The following CHST9 variants were observed in gnomAD, a reference collection of about 807,000 sequenced individuals.
CHST9 encodes the protein carbohydrate sulfotransferase 9, also known as GalNAc-4-sulfotransferase 2.
In CHST9, 41 loss-of-function variants were observed where a neutral mutation model predicts 44.4. The observed-to-expected ratio is 0.92, with a 90% confidence interval of 0.72 to 1.20. The LOEUF (loss-of-function observed/expected upper bound fraction) is 1.20, where lower values mean the gene tolerates loss of function less well. Ranked by LOEUF, CHST9 falls within the 50% of genes most tolerant of loss-of-function variation. CHST9 has a pLI of 0.00. For synonymous variants in CHST9, 171 were observed against 178.4 expected (o/e 0.96, Z 0.33); for missense variants, 504 against 516.5 (o/e 0.98, Z 0.23).
In CHST9 at chr18:26,913,073, T is replaced by G. The variant is rs191501800; in HGVS notation, c.*3186A>C. The G allele has an allele frequency of 1.6e-4, 24 of 152,290 alleles. No individual in the cohort carries two copies. Among genetic ancestry groups the G allele is most frequent in the Admixed American group, 1.6e-3 (24 of 15,296 alleles). 9.4% of individuals were successfully genotyped at this position (152,290 alleles called of 1,614,324 possible). On this transcript the variant is annotated 3_prime_UTR_variant, in exon 6 of 6. Transcript: ENST00000618847. ...GTCCTAGCCTAATCCCAAGTTCTAT[T>G]AATTCAGCAAGTGATTTTTTCAAAG... is the stretch of plus-strand genomic sequence containing the variant.
At chr18:27,170,890 T>C (rs2058828881) in intron 1 of CHST9, among the ~76,000 whole-genome samples, 1 of 152,208 alleles carries the variant, frequency 6.6e-6, no homozygotes, top group Non-Finnish European at 1.5e-5. Flanking sequence ...CAAATCTTAC[T>C]GGAACAGTGG....
chr18:27,110,832 T>G (rs2058264859), intron 2 of CHST9, among the ~76,000 whole-genome samples: 1 of 152,174 alleles, frequency 6.6e-6, no homozygotes, highest in African/African-American at 2.4e-5. Context: ...GAAAGTGTGG[T>G]TTTGGACCAG....
chr18:27,133,575 G>C (rs778248065), intron 2 of CHST9, among the ~76,000 whole-genome samples: 3 of 152,128 alleles, frequency 2.0e-5, no homozygotes, highest in Admixed American at 6.5e-5. Context: ...GGACACTGGT[G>C]ACCAAAATAC....
chr18:27,050,416 T>G (rs1362340029), intron 2 of CHST9, among the ~76,000 whole-genome samples: 3 of 152,284 alleles, frequency 2.0e-5, no homozygotes, highest in East Asian at 3.9e-4. Flanking sequence ...TTTTTTGTCA[T>G]CTATCAACAT....
chr18:27,106,850 C>A lies in CHST9; in HGVS notation c.121+35839G>T, dbSNP rs532569540. Among the ~76,000 whole-genome samples, 21 of 152,244 alleles carry A rather than the reference C, an allele frequency of 1.4e-4. No individual in the cohort carries two copies. In the South Asian group the frequency reaches 4.1e-3, roughly 30 times the overall value. On this transcript the variant is annotated intron_variant, in intron 2 of 5. Transcript: ENST00000618847. ...TTACTACCCTATTTCCATAAAATAA[C>A]CTTTTTATTTACCTAGATCTTTTTC...
intron 3 of CHST9, among the ~76,000 whole-genome samples, chr18:27,027,685 C>T (rs2057297634): frequency 6.6e-6 from 1 of 152,172 alleles, no homozygotes; most frequent in South Asian, 2.1e-4. Flanking sequence ...CATGGAAATA[C>T]TACCAGGATT....
chr18:26,961,788 A>G (rs997470799), intron 4 of CHST9, among the ~76,000 whole-genome samples: 40 of 152,202 alleles, frequency 2.6e-4, no homozygotes, highest in Non-Finnish European at 4.7e-4. Flanking sequence ...TAAAGAGAAC[A>G]ATGTTTCTGT....
intron 3 of CHST9, among the ~76,000 whole-genome samples, chr18:27,034,498 GTTTA>G (rs2057371436): frequency 6.6e-6 from 1 of 152,130 alleles, no homozygotes; most frequent in Non-Finnish European, 1.5e-5. Context: ...ATTGTCCAGT[GTTTA>G]TTTTTTTCTC....
At chr18:27,032,324 C>A (rs1319395095) in intron 3 of CHST9, among the ~76,000 whole-genome samples, 1 of 152,170 alleles carries the variant, frequency 6.6e-6, no homozygotes, top group Admixed American at 6.5e-5. Flanking sequence ...GGGCTCAAAA[C>A]ACACAGAGAC....
chr18:27,052,268 G>GTATA (rs905874224), intron 2 of CHST9, among the ~76,000 whole-genome samples: 3 of 122,798 alleles, frequency 2.4e-5, no homozygotes, highest in African/African-American at 8.3e-5. Context: ...ATATATATGT[G>GTATA]TATATATATG....
intron 1 of CHST9, among the ~76,000 whole-genome samples, chr18:27,163,578 T>A (rs1598771465): frequency 6.6e-6 from 1 of 152,290 alleles, no homozygotes; most frequent in African/African-American, 2.4e-5. Flanking sequence ...GTGCTAGCAA[T>A]GAGCGAGGCT....
intron 2 of CHST9, among the ~76,000 whole-genome samples, chr18:27,103,114 C>T (rs2058189489): frequency 6.6e-6 from 1 of 152,102 alleles, no homozygotes; most frequent in Admixed American, 6.5e-5. Flanking sequence ...TTTTGGAATT[C>T]CTTGGCTTCA....
intron 1 of CHST9, among the ~76,000 whole-genome samples, chr18:27,160,546 A>G (rs926563175): frequency 2.0e-5 from 3 of 152,154 alleles, no homozygotes; most frequent in African/African-American, 7.2e-5. Context: ...ATCGATGTTC[A>G]TCAGGGGTAT....
Position 27,177,977 on chromosome 18 carries a change from C to T in CHST9, c.-97+7159G>A, listed in dbSNP as rs146796050. Among the ~76,000 whole-genome samples the T allele has an allele frequency of 7.9e-5, 12 of 152,072 alleles. No homozygotes were observed. In the East Asian group the frequency reaches 2.1e-3, roughly 27 times the overall value. Reference sequence around the variant, plus strand: ...TTTCCTTATCGCCTCCCCAATCCAACAACTTCAATTTCATCTTCTCTGAAT... The same window carrying T: ...TTTCCTTATCGCCTCCCCAATCCAATAACTTCAATTTCATCTTCTCTGAAT... On this transcript the variant is annotated intron_variant, in intron 1 of 5. Transcript: ENST00000618847.
intron 2 of CHST9, among the ~76,000 whole-genome samples, chr18:27,101,320 G>T (rs111429533): frequency 0.019 from 2,886 of 152,070 alleles, 82 homozygotes; most frequent in African/African-American, 0.064. Flanking sequence ...GGCCGGGCTC[G>T]GTGACTCACG....
intron 2 of CHST9, among the ~76,000 whole-genome samples, chr18:27,134,847 GA>G (rs913912946): frequency 4.6e-5 from 7 of 151,792 alleles, no homozygotes; most frequent in South Asian, 2.1e-4. Flanking sequence ...TAAAAGTCAG[GA>G]AAAAAAATCT....
chr18:27,049,392 T>A (rs2057539900), intron 2 of CHST9, among the ~76,000 whole-genome samples: 1 of 152,132 alleles, frequency 6.6e-6, no homozygotes, highest in Non-Finnish European at 1.5e-5. Flanking sequence ...ACAAGTTCAG[T>A]GTTAGACCTA....
At chr18:27,003,814 A>G (rs1353139654) in intron 4 of CHST9, among the ~76,000 whole-genome samples, 2 of 152,100 alleles carry the variant, frequency 1.3e-5, no homozygotes, top group Non-Finnish European at 2.9e-5. Flanking sequence ...TTAGTCTTGT[A>G]TATACACCAT....
chr18:26,953,397 C>T (rs1034918045), intron 4 of CHST9, among the ~76,000 whole-genome samples: 1 of 152,034 alleles, frequency 6.6e-6, no homozygotes, highest in Non-Finnish European at 1.5e-5. Context: ...AAGCGATAGA[C>T]AATTTGGGGG....
Sources: allele counts gnomAD v4.1 joint callset (sites outside exome capture counted in the v4.1 genomes callset), GRCh38; gene constraint gnomAD v4.1.1; transcripts MANE v1.5; gene names NCBI Gene and HGNC (gene_info 2026-07-23, HGNC 2026-07-21).